ACTG2: variants seen among roughly 807,000 people sequenced by gnomAD.
ACTG2 encodes the protein actin, gamma-enteric smooth muscle.
In ACTG2, 16 loss-of-function variants were observed where a neutral mutation model predicts 37.6. The ratio of observed to expected loss-of-function variants is 0.43; its 90% CI spans 0.29 to 0.65. The LOEUF is 0.65. Among genes scored for constraint, ACTG2 ranks in the 30% least tolerant of loss-of-function variants. The pLI is 0.18. For synonymous variants in ACTG2, 181 were observed against 179.9 expected, an observed-to-expected ratio of 1.01 and a Z score of -0.05; for missense variants, 238 against 490.9, an observed-to-expected ratio of 0.48 and a Z score of 4.87.
In ACTG2 at chr2:73,919,819, G is replaced by A. The variant is rs1223361086; in HGVS notation, c.*244G>A. ...AGGCTCAGAGAAGTCAAGGACTTGCGAAGATCACACAGATTCCAGATTAAA... is the reference window on the plus strand; with the variant it reads ...AGGCTCAGAGAAGTCAAGGACTTGCAAAGATCACACAGATTCCAGATTAAA... On this transcript the variant is annotated 3_prime_UTR_variant, in exon 9 of 9. Coordinates refer to ENST00000345517, the MANE Select transcript of ACTG2 (RefSeq NM_001615.4). 2 of 349,942 alleles carry A rather than the reference G, an allele frequency of 5.7e-6. No individual in the cohort carries two copies. Among genetic ancestry groups the A allele is most frequent in the African/African-American group, 2.1e-5 (1 of 47,504 alleles). The allele number at this position is 349,942 out of a possible 1,614,324, so 21.7% of individuals were successfully genotyped here.
Position 73,916,574 on chromosome 2 carries a change from T to C in ACTG2, c.806-10T>C, listed in dbSNP as rs1385237189. The stretch of plus-strand genomic sequence containing the variant: ...GATGCCTGTTGACCAGACACTGTGA[T>C]CTCCACTAGGCATGGAGTCCGCTGG... On this transcript the variant is annotated splice_polypyrimidine_tract_variant and intron_variant, in intron 7 of 8. Coordinates refer to ENST00000345517, the MANE Select transcript of ACTG2 (RefSeq NM_001615.4). The C allele has an allele frequency of 2.5e-6, 4 of 1,608,282 alleles. No homozygotes were observed. The highest frequency in any genetic ancestry group is 3.4e-6 in the Non-Finnish European group (4 of 1,176,596).
intron 7 of ACTG2, among the ~76,000 whole-genome samples, chr2:73,915,954 AAAATT>A (rs1445720132): frequency 1.5e-4 from 23 of 152,170 alleles, no homozygotes; most frequent in Non-Finnish European, 2.1e-4. Context: ...AAAATGTTCT[AAAATT>A]AGATTTTGGT....
At chr2:73,919,337 A>G (rs1212915096) in intron 8 of ACTG2, 95 bp from the exon 9 acceptor site, 1 of 1,427,282 alleles carries the variant, frequency 7.0e-7, no homozygotes, top group South Asian at 1.3e-5. Flanking sequence ...TTTTCTGACC[A>G]TGGGGCTCCC....
chr2:73,897,973 G>T (rs1038087858), intron 1 of ACTG2, among the ~76,000 whole-genome samples: 1 of 152,170 alleles, frequency 6.6e-6, no homozygotes, highest in Non-Finnish European at 1.5e-5. Flanking sequence ...GTTTTGAGGG[G>T]GACAAACATT....
chr2:73,907,134 C>T (rs763818715), intron 3 of ACTG2, among the ~76,000 whole-genome samples: 2 of 152,184 alleles, frequency 1.3e-5, no homozygotes, highest in African/African-American at 2.4e-5. Flanking sequence ...TAATGAATTA[C>T]TCCTACCTCT....
chr2:73,908,236 C>T (rs1451655051), intron 3 of ACTG2: 2 of 468,802 alleles, frequency 4.3e-6, no homozygotes, highest in South Asian at 1.6e-5. Flanking sequence ...TCATGGAGGG[C>T]CACGCCATTG....
intron 1 of ACTG2, among the ~76,000 whole-genome samples, chr2:73,898,836 T>C (rs1406724280): frequency 6.9e-6 from 1 of 145,382 alleles, no homozygotes; most frequent in Non-Finnish European, 1.5e-5. Context: ...GGAGTCTTGC[T>C]CTGTTGCCCA....
At chr2:73,912,071 G>T (rs1680150972) in intron 5 of ACTG2, among the ~76,000 whole-genome samples, 1 of 152,220 alleles carries the variant, frequency 6.6e-6, no homozygotes, top group South Asian at 2.1e-4. Context: ...AAAAGTAAAA[G>T]ATAATTTCAC....
chr2:73,896,375 T>C (rs1009335770), intron 1 of ACTG2, among the ~76,000 whole-genome samples: 1 of 151,128 alleles, frequency 6.6e-6, no homozygotes, highest in Non-Finnish European at 1.5e-5. Flanking sequence ...AGAAAAACCA[T>C]TCTGAGATAT....
In ACTG2 at chr2:73,895,427, G is replaced by T. The variant is rs369628816; in HGVS notation, c.-37+2376G>T. ...TATCCTGAAGTTAATTAGAGGTGCT[G>T]TTAGAATTTTCCATCGTGGCAGTGT... is the stretch of plus-strand genomic sequence containing the variant. On this transcript the variant is annotated intron_variant, in intron 1 of 8. Coordinates refer to ENST00000345517, the MANE Select transcript of ACTG2 (RefSeq NM_001615.4). Among the ~76,000 whole-genome samples, 101 of 152,340 alleles carry T rather than the reference G, an allele frequency of 6.6e-4. No individual in the cohort carries two copies. In the South Asian group the frequency reaches 0.014, roughly 21 times the overall value.
intron 3 of ACTG2, among the ~76,000 whole-genome samples, chr2:73,906,820 A>G (rs1680027795): frequency 6.6e-6 from 1 of 152,176 alleles, no homozygotes; most frequent in African/African-American, 2.4e-5. Context: ...AACATCTTTA[A>G]CTTTTAAGGT....
At position 73,916,646 on chromosome 2, in the gene ACTG2, A is replaced by G. The variant is rs762211364; in HGVS notation, c.868A>G (p.Ile290Val). 6.2e-7 allele frequency: 1 copy of G among 1,614,148 alleles called. No homozygotes were observed. Among genetic ancestry groups the G allele is most frequent in the Non-Finnish European group, 8.5e-7 (1 of 1,180,026 alleles). The change falls in exon 8 of 9, where the codon ATC (isoleucine) becomes GTC (valine). Residue 290 changes from isoleucine to valine, a missense_variant. By Grantham distance (29) the Ile-to-Val change is conservative. Transcript: ENST00000345517. ...TTCCATCATGAAGTGTGACATTGAC[A>G]TCCGTAAGGACTTATATGCCAACAA... ...YNSIMKCDID[I>V]RKDLYANNVL...
At chr2:73,896,767 A>G (rs1679756460) in intron 1 of ACTG2, 2 of 152,202 alleles carry the variant, frequency 1.3e-5, no homozygotes, top group African/African-American at 4.8e-5. Flanking sequence ...TAAAAGCTTC[A>G]TTCCTGAGTC....
chr2:73,917,392 T>C lies in ACTG2; in HGVS notation c.987+627T>C, dbSNP rs116384341. Among the ~76,000 whole-genome samples, 893 of 152,310 alleles carry C rather than the reference T, an allele frequency of 5.9e-3. 4 individuals carry two copies. Among genetic ancestry groups the C allele is most frequent in the African/African-American group, 0.018 (755 of 41,562 alleles). ...CTCAACAGGGACATTCCTTGATTCC[T>C]GAACATCTCTGATCTACTGTCCCAT... On this transcript the variant is annotated intron_variant, in intron 8 of 8. Transcript: ENST00000345517.
chr2:73,907,181 G>A (rs951710706), intron 3 of ACTG2, among the ~76,000 whole-genome samples: 1 of 151,956 alleles, frequency 6.6e-6, no homozygotes, highest in African/African-American at 2.4e-5. Context: ...TTTTCTTTTT[G>A]TTTGTTTTGG....
At chr2:73,908,275 C>T (rs1680054999) in intron 3 of ACTG2, 1 of 471,542 alleles carries the variant, frequency 2.1e-6, no homozygotes, top group South Asian at 1.5e-5. Context: ...CTTCTTTTGC[C>T]CTCCTACTTT....
chr2:73,915,251 G>C (rs1242012844), intron 7 of ACTG2, among the ~76,000 whole-genome samples: 1 of 152,052 alleles, frequency 6.6e-6, no homozygotes, highest in African/African-American at 2.4e-5. Context: ...CAGGCGCGGT[G>C]GCTCACGCCT....
At chr2:73,907,638 T>A (rs1433308343) in intron 3 of ACTG2, among the ~76,000 whole-genome samples, 2 of 152,168 alleles carry the variant, frequency 1.3e-5, no homozygotes, top group Non-Finnish European at 2.9e-5. Flanking sequence ...GGCGCTACCA[T>A]GCCTGGCTAA....
At position 73,893,958 on chromosome 2, in the gene ACTG2, G is replaced by A. The variant is rs139606098; in HGVS notation, c.-37+907G>A. On this transcript the variant is annotated intron_variant, in intron 1 of 8. Coordinates refer to ENST00000345517, the MANE Select transcript of ACTG2 (RefSeq NM_001615.4). ...GCAGGCCTTGAAGGCAGACTGTCAG[G>A]CTAACCAAGTTACTGAGCGACCTCA... 8.5e-5 allele frequency among the ~76,000 whole-genome samples: 13 copies of A among 152,310 alleles called. No individual in the cohort carries two copies. The East Asian group carries it at 2.5e-3, about 29-fold the overall frequency.
Sources: allele counts gnomAD v4.1 joint callset (sites outside exome capture counted in the v4.1 genomes callset), GRCh38; gene constraint gnomAD v4.1.1; transcripts MANE v1.5; gene names NCBI Gene and HGNC (gene_info 2026-07-23, HGNC 2026-07-21).